LGSN: variants seen among roughly 807,000 people sequenced by gnomAD.
LGSN encodes the protein lengsin.
Under a neutral mutation model 19.5 loss-of-function variants are expected in LGSN, and 21 were observed. The ratio of observed to expected loss-of-function variants is 1.07; its 90% confidence interval spans 0.76 to 1.55. The LOEUF is 1.55. Among genes scored for constraint, LGSN ranks in the 40% most tolerant of loss-of-function variants. LGSN has a pLI of 0.00. For synonymous variants in LGSN, 257 were observed against 215.6 expected (o/e 1.19, Z -1.68); for missense variants, 673 against 608.5 (o/e 1.11, Z -1.12).
chr6:63,432,149 GAA>G, the LGSN span, among the ~76,000 whole-genome samples: 34 of 107,626 alleles, frequency 3.2e-4, 1 homozygote, highest in East Asian at 5.5e-4. Flanking sequence ...AAGAAAGAAA[GAA>G]AGAAAGAAAG....
the LGSN span, among the ~76,000 whole-genome samples, chr6:63,404,246 A>C: frequency 6.6e-6 from 1 of 152,190 alleles, no homozygotes; most frequent in African/African-American, 2.4e-5. Context: ...ACAATAGATA[A>C]ATTATGTACA....
the LGSN span, among the ~76,000 whole-genome samples, chr6:63,488,260 G>C: frequency 6.6e-6 from 1 of 152,120 alleles, no homozygotes; most frequent in African/African-American, 2.4e-5. Flanking sequence ...AAGTGCTCTA[G>C]ATATATTATG....
At chr6:63,505,892 G>A in the LGSN span, among the ~76,000 whole-genome samples, 261 of 152,096 alleles carry the variant, frequency 1.7e-3, 1 homozygote, top group Non-Finnish European at 3.3e-3. Context: ...ACTCCTGACC[G>A]TCCACCTCAT....
chr6:63,432,157 G>GA, the LGSN span, among the ~76,000 whole-genome samples: 1 of 97,774 alleles, frequency 1.0e-5, no homozygotes, highest in Non-Finnish European at 2.0e-5. Context: ...AAGAAAGAAA[G>GA]AAAGAAAGAA....
At chr6:63,359,646 G>A in the LGSN span, among the ~76,000 whole-genome samples, 1 of 152,136 alleles carries the variant, frequency 6.6e-6, no homozygotes, top group Non-Finnish European at 1.5e-5. Context: ...ATTCTCTGAT[G>A]GTAGTTTGTA....
the LGSN span, among the ~76,000 whole-genome samples, chr6:63,406,441 GA>G: frequency 6.6e-6 from 1 of 151,612 alleles, no homozygotes; most frequent in South Asian, 2.1e-4. Flanking sequence ...GGTACATAAT[GA>G]AATGAAGGCA....
the LGSN span, among the ~76,000 whole-genome samples, chr6:63,339,434 T>C: frequency 6.6e-6 from 1 of 152,212 alleles, no homozygotes; most frequent in Non-Finnish European, 1.5e-5. Context: ...ATGATCTTTG[T>C]CTTTTCATTG....
the LGSN span, among the ~76,000 whole-genome samples, chr6:63,394,162 G>C: frequency 9.8e-5 from 15 of 152,290 alleles, no homozygotes; most frequent in South Asian, 2.5e-3. Flanking sequence ...TACTCAGGAG[G>C]CTGAGGCAAG....
the LGSN span, among the ~76,000 whole-genome samples, chr6:63,338,722 T>C: frequency 6.6e-6 from 1 of 152,142 alleles, no homozygotes. Context: ...TCTTTCTTTC[T>C]AATTTTGGGT....
At chr6:63,423,865 C>T in the LGSN span, among the ~76,000 whole-genome samples, 1 of 152,004 alleles carries the variant, frequency 6.6e-6, no homozygotes, top group African/African-American at 2.4e-5. Flanking sequence ...TGGTGAAACC[C>T]CATCTCTACT....
the LGSN span, among the ~76,000 whole-genome samples, chr6:63,506,926 T>C: frequency 6.6e-6 from 1 of 152,110 alleles, no homozygotes; most frequent in Non-Finnish European, 1.5e-5. Context: ...GACACTATCT[T>C]ACTAGTATCC....
the LGSN span, among the ~76,000 whole-genome samples, chr6:63,411,439 A>T: frequency 1.3e-5 from 2 of 152,192 alleles, no homozygotes; most frequent in Non-Finnish European, 2.9e-5. Context: ...GAATTTTAAG[A>T]TCTGTCCTTG....
the LGSN span, among the ~76,000 whole-genome samples, chr6:63,547,681 A>AT: frequency 4.8e-4 from 63 of 131,946 alleles, 1 homozygote; most frequent in Admixed American, 2.8e-3. Flanking sequence ...AATTTTTTGT[A>AT]TTTTTTTTTT....
chr6:63,559,464 C>T, the LGSN span, among the ~76,000 whole-genome samples: 1 of 152,198 alleles, frequency 6.6e-6, no homozygotes, highest in South Asian at 2.1e-4. Flanking sequence ...ATGAATTTCA[C>T]GGCCAGGTGC....
the LGSN span, among the ~76,000 whole-genome samples, chr6:63,367,097 A>C: frequency 6.6e-6 from 1 of 152,204 alleles, no homozygotes; most frequent in Admixed American, 6.5e-5. Flanking sequence ...AATAGGATCT[A>C]ATTAAACTAA....
At chr6:63,423,173 C>A in the LGSN span, among the ~76,000 whole-genome samples, 7 of 152,056 alleles carry the variant, frequency 4.6e-5, no homozygotes, top group Admixed American at 1.3e-4. Context: ...ACAATGAGAT[C>A]CTGTCTCTAC....
intron 2 of LGSN, among the ~76,000 whole-genome samples, chr6:63,292,109 G>A (rs199674223): frequency 1.3e-5 from 2 of 152,166 alleles, no homozygotes; most frequent in Non-Finnish European, 2.9e-5. Flanking sequence ...CACTTCTACA[G>A]TCACAAAGAA....
the LGSN span, among the ~76,000 whole-genome samples, chr6:63,407,883 T>G: frequency 2.6e-5 from 4 of 152,222 alleles, no homozygotes; most frequent in Non-Finnish European, 4.4e-5. Context: ...TATACACCAA[T>G]AACAGACTAA....
chr6:63,515,787 G>T, the LGSN span, among the ~76,000 whole-genome samples: 1 of 152,102 alleles, frequency 6.6e-6, no homozygotes, highest in African/African-American at 2.4e-5. Context: ...AACAAATTAG[G>T]CTTTGTGAAA....
Sources: gnomAD v4.1 joint callset for allele counts (sites outside exome capture counted in the v4.1 genomes callset) on GRCh38, gnomAD v4.1.1 for gene constraint, MANE v1.5 for transcripts, NCBI Gene and HGNC (gene_info 2026-07-23, HGNC 2026-07-21) for gene names.